GPC5: variants seen among roughly 807,000 people sequenced by gnomAD.
GPC5 encodes glypican 5, also known as glypican-5.
In GPC5, 47 loss-of-function variants were observed where a neutral mutation model predicts 53.9. That is an observed-to-expected ratio of 0.87 (90% CI 0.69 to 1.11). The LOEUF (loss-of-function observed/expected upper bound fraction) is 1.11. GPC5 is among the 50% of genes most tolerant of loss of function. The probability of loss-of-function intolerance (pLI) is 0.00; values close to 1 mark genes in which losing one functional copy is unlikely to be tolerated. For synonymous variants in GPC5, 286 were observed against 263.3 expected, an observed-to-expected ratio of 1.09 and a Z score of -0.84; for missense variants, 748 against 713.1, an observed-to-expected ratio of 1.05 and a Z score of -0.56.
At chr13:92,255,423 T>C (rs540463304) in intron 7 of GPC5, among the ~76,000 whole-genome samples, 1 of 152,294 alleles carries the variant, frequency 6.6e-6, no homozygotes, top group East Asian at 1.9e-4. Flanking sequence ...CCTAAAAATA[T>C]GGATTCCTTC....
chr13:91,566,292 G>A lies in GPC5; in HGVS notation c.325+117370G>A, dbSNP rs575308974. 4.6e-5 allele frequency among the ~76,000 whole-genome samples: 7 copies of A among 152,154 alleles called. No individual in the cohort carries two copies. The South Asian group carries it at 6.2e-4, about 14-fold the overall frequency. ...CAAAAATGCAAATTTCTGGCCGGGCGCGGTGGCTTATGTCTGTAATCCCAG... is the reference window on the plus strand; with the variant it reads ...CAAAAATGCAAATTTCTGGCCGGGCACGGTGGCTTATGTCTGTAATCCCAG... On this transcript the variant is annotated intron_variant, in intron 2 of 7. Coordinates refer to ENST00000377067, the MANE Select transcript of GPC5 (RefSeq NM_004466.6).
At chr13:92,566,023 A>C (rs1360440418) in intron 7 of GPC5, among the ~76,000 whole-genome samples, 2 of 152,084 alleles carry the variant, frequency 1.3e-5, no homozygotes, top group Non-Finnish European at 2.9e-5. Flanking sequence ...TAATAATTAT[A>C]TAATTACAGT....
intron 7 of GPC5, among the ~76,000 whole-genome samples, chr13:92,413,115 G>C (rs1477357931): frequency 2.0e-5 from 3 of 152,110 alleles, no homozygotes; most frequent in Non-Finnish European, 4.4e-5. Flanking sequence ...AAAGACGCAG[G>C]AAGTTTGAGT....
At chr13:91,824,496 G>A (rs182310265) in intron 5 of GPC5, among the ~76,000 whole-genome samples, 1 of 152,072 alleles carries the variant, frequency 6.6e-6, no homozygotes, top group African/African-American at 2.4e-5. Flanking sequence ...GCAGATTAAA[G>A]TTCCAGTACT....
Position 92,446,295 on chromosome 13 carries a change from T to C in GPC5, c.1561+301306T>C, listed in dbSNP as rs527727270. On this transcript the variant is annotated intron_variant, in intron 7 of 7. Coordinates refer to ENST00000377067, the MANE Select transcript of GPC5 (RefSeq NM_004466.6). ...TAACCATCTTTCTACTCTCTATCCC[T>C]GTCAGTTCAATTGTTTTAATTTTTA... Among the ~76,000 whole-genome samples the C allele has an allele frequency of 4.0e-5, 6 of 151,736 alleles. No individual in the cohort carries two copies. The East Asian group carries it at 1.2e-3, about 29-fold the overall frequency.
In GPC5 at chr13:91,474,596, CTT is replaced by C. The variant is rs1363547931; in HGVS notation, c.325+25675_325+25676del. 2.0e-5 allele frequency among the ~76,000 whole-genome samples: 3 copies of C among 152,004 alleles called. No individual in the cohort carries two copies. The East Asian group carries it at 5.8e-4, about 29-fold the overall frequency. ...CATGAGCAAATTTTCTAGTTTCTGA[CTT>C]ACAGACAAAATTTGTATATACCTAA... On this transcript the variant is annotated intron_variant, in intron 2 of 7. Transcript: ENST00000377067.
intron 7 of GPC5, among the ~76,000 whole-genome samples, chr13:92,485,923 G>A (rs1879536334): frequency 1.3e-5 from 2 of 152,176 alleles, no homozygotes; most frequent in Non-Finnish European, 2.9e-5. Flanking sequence ...CTGAGATGGT[G>A]CCATTGCACT....
chr13:91,988,665 A>G (rs1449218098), intron 6 of GPC5, among the ~76,000 whole-genome samples: 4 of 152,224 alleles, frequency 2.6e-5, no homozygotes, highest in South Asian at 2.1e-4. Flanking sequence ...TCACGATTTT[A>G]GCTATCATGG....
intron 5 of GPC5, among the ~76,000 whole-genome samples, chr13:91,783,003 AC>A (rs2037822002): frequency 6.6e-6 from 1 of 152,082 alleles, no homozygotes; most frequent in African/African-American, 2.4e-5. Flanking sequence ...GAAAAAAAAA[AC>A]TTGAATTATA....
At chr13:92,028,454 T>A (rs1336472555) in intron 6 of GPC5, among the ~76,000 whole-genome samples, 1 of 152,168 alleles carries the variant, frequency 6.6e-6, no homozygotes, top group Non-Finnish European at 1.5e-5. Flanking sequence ...TTATGCTGAA[T>A]AATTTTCTTT....
intron 2 of GPC5, among the ~76,000 whole-genome samples, chr13:91,520,813 T>A (rs1841885765): frequency 1.3e-5 from 2 of 152,000 alleles, no homozygotes; most frequent in Non-Finnish European, 2.9e-5. Flanking sequence ...TAAACAACAA[T>A]AAGATCTGTC....
intron 6 of GPC5, among the ~76,000 whole-genome samples, chr13:92,137,056 G>GT (rs1227162494): frequency 2.6e-5 from 4 of 151,202 alleles, no homozygotes; most frequent in Non-Finnish European, 4.4e-5. Context: ...CGTTCCGAAA[G>GT]TTGTTTTTTT....
chr13:91,674,862 CAG>C (rs1463992636), intron 2 of GPC5, among the ~76,000 whole-genome samples: 3 of 151,808 alleles, frequency 2.0e-5, no homozygotes, highest in Admixed American at 6.6e-5. Context: ...GCCATATTGT[CAG>C]AGTCATTTTC....
At chr13:92,704,334 C>T (rs1220245896) in intron 7 of GPC5, among the ~76,000 whole-genome samples, 3 of 151,964 alleles carry the variant, frequency 2.0e-5, no homozygotes, top group Non-Finnish European at 4.4e-5. Context: ...AGTTGAATGG[C>T]AATATGAGAG....
chr13:91,997,612 A>G (rs1173150263), intron 6 of GPC5, among the ~76,000 whole-genome samples: 1 of 152,084 alleles, frequency 6.6e-6, no homozygotes, highest in Non-Finnish European at 1.5e-5. Flanking sequence ...TCCGCCTCCC[A>G]GGTTCCAGCG....
chr13:91,518,648 G>T (rs543076070), intron 2 of GPC5, among the ~76,000 whole-genome samples: 61 of 152,184 alleles, frequency 4.0e-4, no homozygotes, highest in African/African-American at 1.4e-3. Context: ...CGCCTCCCAG[G>T]TTCACACCAT....
intron 6 of GPC5, among the ~76,000 whole-genome samples, chr13:91,992,447 T>C (rs1415233493): frequency 6.9e-6 from 1 of 145,756 alleles, no homozygotes; most frequent in African/African-American, 2.6e-5. Flanking sequence ...AACATTTGTA[T>C]GAAGCTATTT....
intron 7 of GPC5, among the ~76,000 whole-genome samples, chr13:92,762,024 TAAGG>T (rs1875195870): frequency 6.6e-6 from 1 of 151,908 alleles, no homozygotes; most frequent in East Asian, 1.9e-4. Context: ...AAGAAATGCT[TAAGG>T]GAGTCCTTCA....
intron 7 of GPC5, among the ~76,000 whole-genome samples, chr13:92,649,672 A>T (rs1470279434): frequency 6.6e-6 from 1 of 152,104 alleles, no homozygotes; most frequent in East Asian, 1.9e-4. Context: ...AGAAATTTAG[A>T]TTACCCTCCT....
Sources: allele counts gnomAD v4.1 joint callset (sites outside exome capture counted in the v4.1 genomes callset), GRCh38; gene constraint gnomAD v4.1.1; transcripts MANE v1.5; gene names NCBI Gene and HGNC (gene_info 2026-07-23, HGNC 2026-07-21).